The following ANKS1A variants were observed in gnomAD, a reference collection of about 807,000 sequenced individuals.
ANKS1A encodes ankyrin repeat and sterile alpha motif domain containing 1A, also known as ankyrin repeat and SAM domain-containing protein 1A.
A neutral mutation model predicts 120.3 loss-of-function variants in ANKS1A; 55 were observed. That is an observed-to-expected ratio of 0.46 (90% CI 0.37 to 0.57). ANKS1A has a LOEUF of 0.57. ANKS1A is among the 20% of genes least tolerant of loss of function. The pLI, the probability that ANKS1A is intolerant of heterozygous loss-of-function variation, is 0.00. For synonymous variants in ANKS1A, 590 were observed against 604.7 expected, an observed-to-expected ratio of 0.98 and a Z score of 0.36; for missense variants, 1,123 against 1,480.3, an observed-to-expected ratio of 0.76 and a Z score of 3.96.
chr6:34,893,557 T>C (rs1341537355), intron 1 of ANKS1A, among the ~76,000 whole-genome samples: 1 of 152,228 alleles, frequency 6.6e-6, no homozygotes, highest in East Asian at 1.9e-4. Flanking sequence ...CATGATATAC[T>C]TTGTGCCAGG....
intron 11 of ANKS1A, among the ~76,000 whole-genome samples, chr6:35,040,483 A>G (rs1410848238): frequency 6.6e-6 from 1 of 152,202 alleles, no homozygotes; most frequent in African/African-American, 2.4e-5. Context: ...GCAAAGGAAA[A>G]AAGAGGAGTT....
intron 1 of ANKS1A, among the ~76,000 whole-genome samples, chr6:34,959,594 G>A (rs1421284696): frequency 6.6e-6 from 1 of 152,238 alleles, no homozygotes; most frequent in Non-Finnish European, 1.5e-5. Context: ...TCTGAGAAGG[G>A]TGAAATTAAT....
chr6:34,916,692 A>G (rs1004498683), intron 1 of ANKS1A, among the ~76,000 whole-genome samples: 1 of 152,212 alleles, frequency 6.6e-6, no homozygotes, highest in African/African-American at 2.4e-5. Flanking sequence ...ACTTAAAAAT[A>G]AAATTTTCAG....
intron 1 of ANKS1A, among the ~76,000 whole-genome samples, chr6:34,932,118 G>A (rs1209049243): frequency 6.6e-6 from 1 of 152,198 alleles, no homozygotes; most frequent in African/African-American, 2.4e-5. Context: ...ACTTCAGTTC[G>A]AGCCTCAAAT....
chr6:34,967,219 C>CT lies in ANKS1A; in HGVS notation c.198-10dup, dbSNP rs758057996. 3,104 of 1,358,704 alleles carry CT rather than the reference C, an allele frequency of 2.3e-3. No homozygotes were observed. Among genetic ancestry groups the CT allele is most frequent in the Admixed American group, 3.1e-3 (157 of 51,176 alleles). 84.2% of individuals were successfully genotyped at this position (1,358,704 alleles called of 1,614,324 possible). On this transcript the variant is annotated intron_variant, in intron 1 of 23. Transcript: ENST00000360359. Reference sequence around the variant, plus strand: ...CGGTCTGTGAAATCTATGTCTCTCTCTTTTTTTTTTCCCTGATAGCATGTG... The same window carrying CT: ...CGGTCTGTGAAATCTATGTCTCTCTCTTTTTTTTTTTCCCTGATAGCATGTG...
intron 13 of ANKS1A, chr6:35,070,826 T>TTGTG (rs140599618): frequency 2.2e-4 from 106 of 489,598 alleles, no homozygotes; most frequent in South Asian, 6.9e-4. Context: ...TCTTTTTTCT[T>TTGTG]TGTGTGTGTG....
chr6:35,012,328 C>A (rs949684906), intron 10 of ANKS1A, among the ~76,000 whole-genome samples: 2 of 152,242 alleles, frequency 1.3e-5, no homozygotes, highest in Non-Finnish European at 2.9e-5. Context: ...AAATTGCAGT[C>A]TTCAGCAAGT....
intron 1 of ANKS1A, among the ~76,000 whole-genome samples, chr6:34,965,526 A>G (rs1203385875): frequency 6.6e-6 from 1 of 151,840 alleles, no homozygotes; most frequent in African/African-American, 2.4e-5. Context: ...TAATTTTTGT[A>G]TTTTTAGTAG....
At chr6:35,081,358 G>A (rs1257889806) in intron 17 of ANKS1A, among the ~76,000 whole-genome samples, 200 bp downstream of exon 17, 2 of 152,174 alleles carry the variant, frequency 1.3e-5, no homozygotes, top group East Asian at 1.9e-4. Context: ...CCGAGCTCGG[G>A]CCGCACAACT....
intron 11 of ANKS1A, among the ~76,000 whole-genome samples, chr6:35,027,561 G>C (rs1374231017): frequency 3.3e-5 from 5 of 152,148 alleles, no homozygotes; most frequent in African/African-American, 1.2e-4. Context: ...GCCAGATGGT[G>C]GGGGATAGGC....
At chr6:35,068,450 C>T (rs1776895076) in intron 13 of ANKS1A, among the ~76,000 whole-genome samples, 1 of 152,120 alleles carries the variant, frequency 6.6e-6, no homozygotes, top group African/African-American at 2.4e-5. Flanking sequence ...CAGCTCCTCT[C>T]CCAGAATAGG....
At chr6:34,914,804 G>T (rs560287857) in intron 1 of ANKS1A, among the ~76,000 whole-genome samples, 1 of 152,292 alleles carries the variant, frequency 6.6e-6, no homozygotes, top group Non-Finnish European at 1.5e-5. Context: ...GCCTAAAATG[G>T]TATTTATTAG....
At position 35,039,051 on chromosome 6, in the gene ANKS1A, T is replaced by C. The variant is rs1172200430; in HGVS notation, c.2011-15048T>C. 2.7e-5 allele frequency among the ~76,000 whole-genome samples: 4 copies of C among 150,426 alleles called. No homozygotes were observed. In the East Asian group the frequency reaches 5.9e-4, roughly 22 times the overall value. On this transcript the variant is annotated intron_variant, in intron 11 of 23. Coordinates refer to ENST00000360359, the MANE Select transcript of ANKS1A (RefSeq NM_015245.3). ...AGAATCCACACATCCACACACCTTA[T>C]TCACATTTCACCAGTTTTGCATGTA...
chr6:35,003,194 A>G (rs1773259407), intron 10 of ANKS1A, among the ~76,000 whole-genome samples: 1 of 152,162 alleles, frequency 6.6e-6, no homozygotes, highest in Admixed American at 6.5e-5. Context: ...GAATCATACA[A>G]TATTATAGGC....
At chr6:35,083,345 G>A in intron 19 of ANKS1A, 72 bp from the exon 20 acceptor site, 1 of 1,595,330 alleles carries the variant, frequency 6.3e-7, no homozygotes, top group South Asian at 1.1e-5. Context: ...GAAGGAAGCT[G>A]GGACCTGTGG....
Position 34,981,954 on chromosome 6 carries a change from C to A in ANKS1A, c.700C>A (p.Leu234Ile), listed in dbSNP as rs748020550. 4.3e-5 allele frequency: 69 copies of A among 1,614,054 alleles called. No homozygotes were observed. Among genetic ancestry groups the A allele is most frequent in the Non-Finnish European group, 4.8e-5 (57 of 1,180,032 alleles). The change falls in exon 4 of 24, where the codon CTC becomes ATC. Residue 234 changes from leucine to isoleucine, a missense_variant. Leu to Ile is a conservative substitution (Grantham distance 5, BLOSUM62 2). Transcript: ENST00000360359. The part of the protein sequence containing the change: ...RNGHKAVVQV[L>I]LDAGMDSNYQ... ...TGGCCACAAAGCCGTGGTCCAGGTCCTCCTCGATGCTGGCATGGACAGCAA... is the reference window on the plus strand; with the variant it reads ...TGGCCACAAAGCCGTGGTCCAGGTCATCCTCGATGCTGGCATGGACAGCAA...
At chr6:35,097,646 A>C in the ANKS1A span, among the ~76,000 whole-genome samples, 47 of 145,652 alleles carry the variant, frequency 3.2e-4, 1 homozygote, top group Non-Finnish European at 3.6e-4. Context: ...AGAAAAAAAA[A>C]AAAAAAAAAA....
At chr6:35,001,895 A>G (rs1277604321) in intron 10 of ANKS1A, among the ~76,000 whole-genome samples, 2 of 152,210 alleles carry the variant, frequency 1.3e-5, no homozygotes, top group South Asian at 2.1e-4. Context: ...CCAGTGGCCT[A>G]TCTCTCAAAA....
chr6:34,958,780 G>A (rs997824487), intron 1 of ANKS1A, among the ~76,000 whole-genome samples: 18 of 152,132 alleles, frequency 1.2e-4, no homozygotes, highest in Admixed American at 9.2e-4. Context: ...TTGCCTCTTC[G>A]TTTCTGCCTG....
Sources: allele counts gnomAD v4.1 joint callset (sites outside exome capture counted in the v4.1 genomes callset), GRCh38; gene constraint gnomAD v4.1.1; transcripts MANE v1.5; gene names NCBI Gene and HGNC (gene_info 2026-07-23, HGNC 2026-07-21).